The following PCDHA13 variants were observed in gnomAD, a reference collection of about 807,000 sequenced individuals.
PCDHA13 encodes the protein protocadherin alpha 13, also known as protocadherin alpha-13.
Under a neutral mutation model 64.8 loss-of-function variants are expected in PCDHA13, and 54 were observed. That is an observed-to-expected ratio of 0.83 (90% CI 0.67 to 1.04). The LOEUF is 1.04. Ranked by LOEUF, PCDHA13 falls within the 50% of genes least tolerant of loss-of-function variation. The pLI, the probability that PCDHA13 is intolerant of heterozygous loss-of-function variation, is 0.00. For missense variants in PCDHA13, 1,248 were observed against 1,254.3 expected, an observed-to-expected ratio of 0.99 and a Z score of 0.08; for synonymous variants, 587 against 564.4, an observed-to-expected ratio of 1.04 and a Z score of -0.57.
chr5:140,927,609 C>T (rs1285751413), intron 1 of PCDHA13: 1 of 1,614,076 alleles, frequency 6.2e-7, no homozygotes, highest in Admixed American at 1.7e-5. Flanking sequence ...CCGTATACCG[C>T]ACCAAGGTTC....
chr5:140,883,449 C>G lies in PCDHA13; in HGVS notation c.1181C>G (p.Pro394Arg), dbSNP rs782030208. The G allele has an allele frequency of 6.8e-6, 11 of 1,614,058 alleles. No homozygotes were observed. The Admixed American group carries it at 1.8e-4, about 27-fold the overall frequency. Residue 394 changes from proline to arginine, a missense_variant, in exon 1 of 4, where the codon CCC becomes CGC. Coordinates refer to ENST00000289272, the MANE Select transcript of PCDHA13 (RefSeq NM_018904.3). ...QVTCTLTPHV[P>R]FKLVSTYKNY... Reference sequence around the variant, plus strand: ...ACCTGCACCTTGACGCCGCATGTCCCCTTCAAGCTGGTGTCCACCTACAAG... The same window carrying G: ...ACCTGCACCTTGACGCCGCATGTCCGCTTCAAGCTGGTGTCCACCTACAAG...
intron 3 of PCDHA13, among the ~76,000 whole-genome samples, chr5:141,002,004 A>G (rs1386748835): frequency 2.0e-5 from 3 of 152,210 alleles, no homozygotes; most frequent in Non-Finnish European, 4.4e-5. Context: ...TTGCAAACAC[A>G]GAATCTGCAC....
At chr5:140,890,356 T>C (rs139351817) in intron 1 of PCDHA13, among the ~76,000 whole-genome samples, 50 of 152,308 alleles carry the variant, frequency 3.3e-4, no homozygotes, top group African/African-American at 1.2e-3. Context: ...TATATAGCAA[T>C]GGATAACCTG....
At position 140,951,793 on chromosome 5, in the gene PCDHA13, C is replaced by T. The variant is rs536005204; in HGVS notation, c.2395-27156C>T. 5.3e-5 allele frequency among the ~76,000 whole-genome samples: 8 copies of T among 152,244 alleles called. No homozygotes were observed. The South Asian group carries it at 1.7e-3, about 32-fold the overall frequency. On this transcript the variant is annotated intron_variant, in intron 1 of 3. Coordinates refer to ENST00000289272, the MANE Select transcript of PCDHA13 (RefSeq NM_018904.3). ...TTCTTACATTGCAAAATACAATTAT[C>T]CCTTCCCAATGGTCCCTCAAAGTCT...
intron 1 of PCDHA13, among the ~76,000 whole-genome samples, chr5:140,920,101 G>A (rs880001163): frequency 2.0e-5 from 3 of 152,180 alleles, no homozygotes; most frequent in African/African-American, 7.2e-5. Flanking sequence ...TCTAAAGGGA[G>A]TGCAACCTTG....
chr5:140,946,631 T>TATATATATATAC (rs57893927), intron 1 of PCDHA13, among the ~76,000 whole-genome samples: 3,699 of 131,684 alleles, frequency 0.028, 186 homozygotes, highest in East Asian at 0.064. Flanking sequence ...TATATATATA[T>TATATATATATAC]ACAATGGAAT....
chr5:140,901,092 T>C (rs1374524038), intron 1 of PCDHA13, among the ~76,000 whole-genome samples: 5 of 152,228 alleles, frequency 3.3e-5, no homozygotes, highest in African/African-American at 1.2e-4. Context: ...TTGAGCTCCT[T>C]CTACATTCTG....
chr5:140,963,221 T>C (rs2095749324), intron 1 of PCDHA13, among the ~76,000 whole-genome samples: 1 of 151,808 alleles, frequency 6.6e-6, no homozygotes, highest in Admixed American at 6.6e-5. Context: ...GTGTTTAGAG[T>C]AGACACTGTT....
chr5:141,004,024 C>T (rs1380291199), intron 3 of PCDHA13, among the ~76,000 whole-genome samples: 1 of 152,210 alleles, frequency 6.6e-6, no homozygotes, highest in African/African-American at 2.4e-5. Context: ...AAAGAAGAAA[C>T]ATTTCCTTGA....
chr5:140,954,016 A>G (rs246027), intron 1 of PCDHA13, among the ~76,000 whole-genome samples: 85,628 of 151,968 alleles, frequency 0.56, 24,747 homozygotes, highest in African/African-American at 0.69. Context: ...GCTCCCACAC[A>G]TAGTGGGACG....
In PCDHA13 at chr5:140,884,539, G is replaced by A. The variant is rs782320700; in HGVS notation, c.2271G>A (p.Arg757=). Reference sequence around the variant, plus strand: ...CGTACTCGCAGCAGAGGCGGCCGAGGGTGTGCTCTGGGGAGGGCCCGCATA... The same window carrying A: ...CGTACTCGCAGCAGAGGCGGCCGAGAGTGTGCTCTGGGGAGGGCCCGCATA... ...SWSYSQQRRP[R]VCSGEGPHKT... The change falls in exon 1 of 4, where the codon AGG becomes AGA. Residue 757 remains arginine, a synonymous_variant. Coordinates refer to ENST00000289272, the MANE Select transcript of PCDHA13 (RefSeq NM_018904.3). 78 of 1,613,968 alleles carry A rather than the reference G, an allele frequency of 4.8e-5. No homozygotes were observed. Among genetic ancestry groups the A allele is most frequent in the Non-Finnish European group, 6.2e-5 (73 of 1,180,014 alleles).
intron 1 of PCDHA13, among the ~76,000 whole-genome samples, chr5:140,956,166 C>T (rs180917985): frequency 7.2e-5 from 11 of 152,232 alleles, no homozygotes; most frequent in Non-Finnish European, 1.5e-4. Flanking sequence ...TTGCCATAGC[C>T]AGAACTTCCA....
rs543488933 is a variant in PCDHA13, at chr5:140,915,492, A to G, written c.2394+30830A>G. The stretch of plus-strand genomic sequence containing the variant: ...TGAAGGAGCTTGGGCCTCAATCCCA[A>G]TAATACTGTGGTTTTTGCAGACTAG... On this transcript the variant is annotated intron_variant, in intron 1 of 3. Coordinates refer to ENST00000289272, the MANE Select transcript of PCDHA13 (RefSeq NM_018904.3). 2.0e-5 allele frequency among the ~76,000 whole-genome samples: 3 copies of G among 152,232 alleles called. No homozygotes were observed. The South Asian group carries it at 6.2e-4, about 32-fold the overall frequency.
intron 1 of PCDHA13, among the ~76,000 whole-genome samples, chr5:140,913,589 T>G (rs1342360734): frequency 6.6e-6 from 1 of 152,168 alleles, no homozygotes; most frequent in Non-Finnish European, 1.5e-5. Context: ...TATTTCTGCT[T>G]TGATCTTTAT....
intron 1 of PCDHA13, chr5:140,927,565 G>A: frequency 6.2e-7 from 1 of 1,614,186 alleles, no homozygotes; most frequent in Non-Finnish European, 8.5e-7. Context: ...CATTGTGGTG[G>A]ACACAAATGA....
At chr5:140,961,652 G>A (rs2095627629) in intron 1 of PCDHA13, among the ~76,000 whole-genome samples, 1 of 152,212 alleles carries the variant, frequency 6.6e-6, no homozygotes, top group Non-Finnish European at 1.5e-5. Context: ...TATGTGGTTA[G>A]TTTGAAGTTA....
At chr5:140,990,858 T>C (rs1243458417) in intron 3 of PCDHA13, among the ~76,000 whole-genome samples, 2 of 152,172 alleles carry the variant, frequency 1.3e-5, no homozygotes, top group African/African-American at 2.4e-5. Flanking sequence ...CCTGAGGACA[T>C]TGTATTTTAA....
At chr5:140,961,446 T>G (rs1318543773) in intron 1 of PCDHA13, among the ~76,000 whole-genome samples, 1 of 152,238 alleles carries the variant, frequency 6.6e-6, no homozygotes. Flanking sequence ...CTAACTACAC[T>G]GTCTTGCAGC....
chr5:141,007,472 G>A (rs2098331789), intron 3 of PCDHA13, among the ~76,000 whole-genome samples: 1 of 151,844 alleles, frequency 6.6e-6, no homozygotes, highest in Non-Finnish European at 1.5e-5. Context: ...GGAGGCTGAG[G>A]CACGAGAATT....
Sources: allele counts gnomAD v4.1 joint callset (sites outside exome capture counted in the v4.1 genomes callset), GRCh38; gene constraint gnomAD v4.1.1; transcripts MANE v1.5; gene names NCBI Gene and HGNC (gene_info 2026-07-23, HGNC 2026-07-21).